ARAP2: variants seen among roughly 807,000 people sequenced by gnomAD.
ARAP2 encodes arf-GAP with Rho-GAP domain, ANK repeat and PH domain-containing protein 2.
In ARAP2, 148 loss-of-function variants were observed where a neutral mutation model predicts 194.5. That is an observed-to-expected ratio of 0.76 (90% CI 0.67 to 0.87). The LOEUF (loss-of-function observed/expected upper bound fraction) is 0.87, where lower values mean the gene tolerates loss of function less well. ARAP2 is among the 40% of genes least tolerant of loss of function. The pLI is 0.00. For synonymous variants in ARAP2, 695 were observed against 683.5 expected, an observed-to-expected ratio of 1.02 and a Z score of -0.26; for missense variants, 2,128 against 1,989.7, an observed-to-expected ratio of 1.07 and a Z score of -1.32.
rs529396146 is a variant in ARAP2 at position 36,166,638 on chromosome 4, A to C, written c.1973+294T>G. On this transcript the variant is annotated intron_variant, in intron 10 of 32. Coordinates refer to ENST00000303965, the MANE Select transcript of ARAP2 (RefSeq NM_015230.4). ...TTTTATTTTATTCCTTCTAAATGAG[A>C]AGGAATTTATCACATATTTTCAAAA... Among the ~76,000 whole-genome samples the C allele has an allele frequency of 9.2e-5, 14 of 151,812 alleles. No homozygotes were observed. In the East Asian group the frequency reaches 2.7e-3, roughly 29 times the overall value.
intron 7 of ARAP2, among the ~76,000 whole-genome samples, chr4:36,188,660 A>G (rs1741132706): frequency 6.6e-6 from 1 of 152,188 alleles, no homozygotes; most frequent in African/African-American, 2.4e-5. Flanking sequence ...ATATTAAAAG[A>G]GTTTGGATAC....
intron 1 of ARAP2, among the ~76,000 whole-genome samples, chr4:36,243,265 T>C (rs1354072075): frequency 1.3e-5 from 2 of 149,404 alleles, no homozygotes; most frequent in African/African-American, 2.5e-5. Flanking sequence ...TTATGAGTAA[T>C]AACAATGACA....
intron 22 of ARAP2, 145 bp from the exon 23 acceptor site, chr4:36,121,471 T>C (rs1722668215): frequency 3.1e-6 from 2 of 640,958 alleles, no homozygotes; most frequent in Non-Finnish European, 5.0e-6. Context: ...AGCATATGGT[T>C]CTTTCTTCTA....
chr4:36,067,856 G>A lies in ARAP2; in HGVS notation c.*51C>T, dbSNP rs1404817315. ...GTTCAGTTTTGGAGTTACACATAAA[G>A]ATTGCATACAATATTAAAAAAATAA... On this transcript the variant is annotated 3_prime_UTR_variant, in exon 33 of 33. Transcript: ENST00000303965. The A allele has an allele frequency of 4.0e-6, 6 of 1,510,708 alleles. No homozygotes were observed. Among genetic ancestry groups the A allele is most frequent in the Non-Finnish European group, 5.3e-6 (6 of 1,128,840 alleles). The allele number at this position is 1,510,708 out of a possible 1,614,324, so 93.6% of individuals were successfully genotyped here.
rs113284643 is a variant in ARAP2, at chr4:36,086,161, C to T, written c.4426-2711G>A. Among the ~76,000 whole-genome samples the T allele has an allele frequency of 3.2e-3, 491 of 152,190 alleles. 1 individual carries two copies. Among genetic ancestry groups the T allele is most frequent in the Non-Finnish European group, 4.5e-3 (305 of 68,000 alleles). On this transcript the variant is annotated intron_variant, in intron 28 of 32. Transcript: ENST00000303965. ...ATTTAGATTGCTATTCCCTCAGACA[C>T]AGTCCCAACCGAGGCAGCAGGGTTG...
intron 6 of ARAP2, among the ~76,000 whole-genome samples, chr4:36,199,336 A>G (rs1014928556): frequency 6.6e-6 from 1 of 152,212 alleles, no homozygotes; most frequent in African/African-American, 2.4e-5. Context: ...CTGTCACCCA[A>G]GCGGGAGTGC....
intron 26 of ARAP2, among the ~76,000 whole-genome samples, chr4:36,108,126 G>A (rs922528432): frequency 6.6e-6 from 1 of 151,766 alleles, no homozygotes; most frequent in African/African-American, 2.4e-5. Flanking sequence ...TCAAACTTCT[G>A]AGCTCAGGCT....
intron 30 of ARAP2, among the ~76,000 whole-genome samples, chr4:36,080,799 T>C (rs1729363058): frequency 6.6e-6 from 1 of 152,184 alleles, no homozygotes; most frequent in Non-Finnish European, 1.5e-5. Context: ...TAACCTTTTA[T>C]TGAAAGACTA....
chr4:36,081,263 G>C (rs529204683), intron 30 of ARAP2, among the ~76,000 whole-genome samples: 1 of 152,102 alleles, frequency 6.6e-6, no homozygotes, highest in Non-Finnish European at 1.5e-5. Flanking sequence ...ATTAGATAAG[G>C]CTTTGGGGCA....
At chr4:36,079,007 C>T (rs1324254114) in intron 31 of ARAP2, among the ~76,000 whole-genome samples, 2 of 151,770 alleles carry the variant, frequency 1.3e-5, no homozygotes, top group Non-Finnish European at 2.9e-5. Context: ...AACTCCATCT[C>T]TACTAAAAAT....
At position 36,073,720 on chromosome 4, in the gene ARAP2, C is replaced by T. The variant is rs1727583351; in HGVS notation, c.4712G>A (p.Gly1571Glu). Reference protein sequence around the residue: ...GLPLIPIQHEGNATLARKNIE... With the variant: ...GLPLIPIQHEENATLARKNIE... ...ATTTTTCCGGGCCAAGGTTGCATTC[C>T]CCTCATGCTGTATAGGAATCAGAGG... Residue 1571 changes from glycine (G) to glutamate (E), a missense_variant, in exon 32 of 33, where the codon GGG becomes GAG. Physicochemically the swap from Gly to Glu is moderately conservative, Grantham distance 98 (BLOSUM62 -2). Transcript: ENST00000303965. 1.2e-6 allele frequency: 2 copies of T among 1,612,460 alleles called. No individual in the cohort carries two copies. The highest frequency in any genetic ancestry group is 1.7e-6 in the Non-Finnish European group (2 of 1,179,032).
intron 26 of ARAP2, 99 bp downstream of exon 26, chr4:36,114,071 A>G: frequency 1.1e-6 from 1 of 907,656 alleles, no homozygotes; most frequent in South Asian, 1.5e-5. Flanking sequence ...AAAAATCATA[A>G]CAAGATGTTA....
At chr4:36,069,416 A>C (rs1346858020) in intron 32 of ARAP2, among the ~76,000 whole-genome samples, 1 of 152,196 alleles carries the variant, frequency 6.6e-6, no homozygotes, top group African/African-American at 2.4e-5. Context: ...ATGGTTGAAC[A>C]ATGTAAATAC....
At chr4:36,173,809 G>A (rs933243166) in intron 9 of ARAP2, among the ~76,000 whole-genome samples, 10 of 152,150 alleles carry the variant, frequency 6.6e-5, no homozygotes, top group Admixed American at 5.2e-4. Context: ...AGTGAATAAA[G>A]TAAATATTCA....
At chr4:36,114,943 T>C (rs951664761) in intron 25 of ARAP2, among the ~76,000 whole-genome samples, 2 of 152,090 alleles carry the variant, frequency 1.3e-5, no homozygotes, top group African/African-American at 4.8e-5. Context: ...TTTTTGTTTT[T>C]GCTTATGCCA....
chr4:36,160,427 A>C (rs757186640), intron 13 of ARAP2, 32 bp downstream of exon 13: 2 of 1,472,946 alleles, frequency 1.4e-6, no homozygotes, highest in East Asian at 2.6e-5. Flanking sequence ...AGACATTAAA[A>C]TCCACGTCTG....
chr4:36,050,444 G>A (rs746540500), intron 3 of ARAP2, among the ~76,000 whole-genome samples: 4 of 152,200 alleles, frequency 2.6e-5, no homozygotes, highest in Non-Finnish European at 5.9e-5. Context: ...CTAGAAAAAC[G>A]TATTACACTG....
intron 1 of ARAP2, among the ~76,000 whole-genome samples, chr4:36,059,888 C>T (rs1383517705): frequency 3.3e-5 from 5 of 151,826 alleles, no homozygotes; most frequent in Admixed American, 6.6e-5. Context: ...GAGCAGTTTT[C>T]GAAGAGTAAT....
chr4:36,108,795 A>T (rs1278170887), intron 26 of ARAP2, among the ~76,000 whole-genome samples: 1 of 151,992 alleles, frequency 6.6e-6, no homozygotes, highest in African/African-American at 2.4e-5. Context: ...GAATAAAGGA[A>T]ATTCAAACTT....
Sources: gnomAD v4.1 joint callset for allele counts (sites outside exome capture counted in the v4.1 genomes callset) on GRCh38, gnomAD v4.1.1 for gene constraint, MANE v1.5 for transcripts, NCBI Gene and HGNC (gene_info 2026-07-23, HGNC 2026-07-21) for gene names.